The following CWC22 variants were observed in gnomAD, a reference collection of about 807,000 sequenced individuals.
CWC22 encodes the protein pre-mRNA-splicing factor CWC22 homolog.
CWC22 carries 53 observed loss-of-function variants against 117.2 expected under a neutral mutation model. The observed-to-expected ratio is 0.45, with a 90% CI of 0.36 to 0.57. CWC22 has a LOEUF of 0.57. CWC22 is among the 20% of genes least tolerant of loss of function. The pLI, the probability that CWC22 is intolerant of heterozygous loss-of-function variation, is 0.00. For synonymous variants in CWC22, 360 were observed against 355.6 expected (o/e 1.01, Z -0.14); for missense variants, 980 against 1,068.8 (o/e 0.92, Z 1.16).
chr2:180,005,023 G>GAAAAAAAA (rs1156980514), intron 1 of CWC22, among the ~76,000 whole-genome samples: 1 of 129,522 alleles, frequency 7.7e-6, no homozygotes. Flanking sequence ...AATGCTTTCG[G>GAAAAAAAA]AAAAAAAAAA....
intron 3 of CWC22, 49 bp downstream of exon 3, chr2:179,988,528 C>A (rs746916417): frequency 3.2e-5 from 31 of 968,034 alleles, no homozygotes; most frequent in Non-Finnish European, 4.7e-5. Context: ...ATTACATAAA[C>A]CTTACTATAA....
intron 14 of CWC22, 135 bp from the exon 15 acceptor site, chr2:179,955,169 TA>T: frequency 1.5e-6 from 1 of 647,726 alleles, no homozygotes; most frequent in Admixed American, 2.9e-5. Context: ...GTAAATAAAA[TA>T]AAAACCTCAA....
At chr2:179,990,682 T>G (rs1294442340) in intron 2 of CWC22, among the ~76,000 whole-genome samples, 1 of 152,142 alleles carries the variant, frequency 6.6e-6, no homozygotes, top group Admixed American at 6.5e-5. Flanking sequence ...TTATTTTGAT[T>G]ACATTAAGGA....
chr2:179,983,012 CT>C (rs1687323718), intron 4 of CWC22, among the ~76,000 whole-genome samples: 3 of 152,172 alleles, frequency 2.0e-5, no homozygotes, highest in Middle Eastern at 3.4e-3. Context: ...TTGAGATGGT[CT>C]TTTAAATATA....
chr2:179,951,904 T>C (rs745481004), intron 17 of CWC22, among the ~76,000 whole-genome samples: 1 of 151,924 alleles, frequency 6.6e-6, no homozygotes, highest in African/African-American at 2.4e-5. Flanking sequence ...TGAAGAGGCA[T>C]GCAGCCTGAG....
intron 3 of CWC22, among the ~76,000 whole-genome samples, chr2:179,987,563 C>G (rs534416601): frequency 6.6e-6 from 1 of 151,964 alleles, no homozygotes; most frequent in Admixed American, 6.6e-5. Context: ...AATTATGAAT[C>G]AGGGCAATTA....
In CWC22 at chr2:179,981,863, G is replaced by A. The variant is rs1397282193; in HGVS notation, c.341C>T (p.Ala114Val). 6.2e-7 allele frequency: 1 copy of A among 1,613,302 alleles called. No individual in the cohort carries two copies. Among genetic ancestry groups the A allele is most frequent in the South Asian group, 1.1e-5 (1 of 90,930 alleles). The change falls in exon 5 of 20, where the codon GCT becomes GTT. Residue 114 changes from alanine (A) to valine (V), a missense_variant. Coordinates refer to ENST00000410053, the MANE Select transcript of CWC22 (RefSeq NM_020943.3). ...TQSSSAQDEPATKKKKDELDP... is the reference protein window; with the variant it reads ...TQSSSAQDEPVTKKKKDELDP... ...CAGCTCATCTTTCTTTTTCTTTGTAGCAGGTTCATCCTGAGCAGAGGAACT... is the reference window on the plus strand; with the variant it reads ...CAGCTCATCTTTCTTTTTCTTTGTAACAGGTTCATCCTGAGCAGAGGAACT...
chr2:179,995,728 G>A (rs1687681504), intron 1 of CWC22, among the ~76,000 whole-genome samples: 1 of 152,210 alleles, frequency 6.6e-6, no homozygotes, highest in Non-Finnish European at 1.5e-5. Flanking sequence ...GAGTCTAGAG[G>A]AGAGTAGATG....
chr2:179,953,888 T>A (rs992584877), intron 16 of CWC22, among the ~76,000 whole-genome samples: 1 of 152,116 alleles, frequency 6.6e-6, no homozygotes, highest in African/African-American at 2.4e-5. Context: ...CATATGTGGA[T>A]GTGAGTGTGC....
intron 6 of CWC22, among the ~76,000 whole-genome samples, chr2:179,975,311 A>G (rs900203254): frequency 7.2e-5 from 11 of 152,178 alleles, no homozygotes; most frequent in African/African-American, 2.7e-4. Flanking sequence ...TAAAGGCCAT[A>G]TATGACGAAC....
rs140932462 is a variant in CWC22 at position 179,946,236 on chromosome 2, G to A, written c.2141-521C>T. ...AGGGGGTGGGGGACAGATTGCTTGC[G>A]CCCAGAAGTTGGAGACCAGCCTGGG... On this transcript the variant is annotated intron_variant, in intron 19 of 19. Coordinates refer to ENST00000410053, the MANE Select transcript of CWC22 (RefSeq NM_020943.3). Among the ~76,000 whole-genome samples, 330 of 152,016 alleles carry A rather than the reference G, an allele frequency of 2.2e-3. 2 individuals are homozygous for A. The highest frequency in any genetic ancestry group is 7.2e-3 in the African/African-American group (297 of 41,460).
At chr2:179,959,218 G>A in intron 13 of CWC22, 136 bp from the exon 14 acceptor site, 1 of 536,996 alleles carries the variant, frequency 1.9e-6, no homozygotes. Flanking sequence ...GTGTATATAA[G>A]GAAAATATAG....
chr2:180,000,186 G>T (rs1687810159), intron 1 of CWC22, among the ~76,000 whole-genome samples: 1 of 151,986 alleles, frequency 6.6e-6, no homozygotes, highest in South Asian at 2.1e-4. Context: ...TACCTCATAA[G>T]GCCAAAAAAT....
chr2:179,974,401 GA>G (rs1302013764), intron 6 of CWC22, among the ~76,000 whole-genome samples: 1 of 152,174 alleles, frequency 6.6e-6, no homozygotes, highest in African/African-American at 2.4e-5. Context: ...AACTCATTTT[GA>G]AAATGGTCAT....
At chr2:179,978,400 T>C (rs1435457340) in intron 5 of CWC22, 82 bp from the exon 6 acceptor site, 18 of 1,288,614 alleles carry the variant, frequency 1.4e-5, no homozygotes, top group African/African-American at 1.5e-5. Flanking sequence ...TACATAGTGC[T>C]CCTTAATTTT....
chr2:180,004,151 G>A (rs1269793802), intron 1 of CWC22, among the ~76,000 whole-genome samples: 1 of 152,120 alleles, frequency 6.6e-6, no homozygotes, highest in African/African-American at 2.4e-5. Flanking sequence ...CTTCTTTCTC[G>A]GACTAGCTCC....
chr2:179,989,065 A>G (rs1345167902), intron 2 of CWC22, among the ~76,000 whole-genome samples: 1 of 151,754 alleles, frequency 6.6e-6, no homozygotes, highest in Admixed American at 6.6e-5. Flanking sequence ...TTTTATCCCT[A>G]ACCACCCCCC....
At chr2:179,965,038 G>A (rs1686853909) in intron 12 of CWC22, among the ~76,000 whole-genome samples, 6 of 151,996 alleles carry the variant, frequency 3.9e-5, no homozygotes. Flanking sequence ...CAGGCTGGAT[G>A]AGTCCAACAT....
rs377130506 is a variant in CWC22, at chr2:179,978,275, T to C, written c.496A>G (p.Ile166Val). 30 of 1,559,104 alleles carry C rather than the reference T, an allele frequency of 1.9e-5. No homozygotes were observed. The highest frequency in any genetic ancestry group is 2.7e-5 in the African/African-American group (2 of 72,740). ...TTGACTTTGTTGATAAGGCCATTAA[T>C]TGACTTCTTCAGGGCCTCCCAACTC... is the stretch of plus-strand genomic sequence containing the variant. ...RMSWEALKKS[I>V]NGLINKVNIS... The change falls in exon 6 of 20, where the codon ATT becomes GTT. Residue 166 changes from isoleucine (I) to valine (V), a missense_variant. Around this residue, in one of 3 missense-constraint regions of CWC22, gnomAD observed 559 missense variants for 602.3 expected, o/e 0.93. Transcript: ENST00000410053.
Sources: allele counts gnomAD v4.1 joint callset (sites outside exome capture counted in the v4.1 genomes callset), GRCh38; gene constraint gnomAD v4.1.1; regional missense constraint gnomAD v4.1.1; transcripts MANE v1.5; gene names NCBI Gene and HGNC (gene_info 2026-07-23, HGNC 2026-07-21).